Variants in BMP7 observed in about 807,000 individuals in gnomAD.
BMP7 encodes osteogenic protein 1.
A neutral mutation model predicts 41.2 loss-of-function variants in BMP7; 12 were observed. The ratio of observed to expected loss-of-function variants is 0.29; its 90% CI spans 0.19 to 0.47. BMP7 has a LOEUF of 0.47. Among genes scored for constraint, BMP7 ranks in the 20% least tolerant of loss-of-function variants. The pLI, the probability that BMP7 is intolerant of heterozygous loss-of-function variation, is 0.99. For missense variants in BMP7, 467 were observed against 606.0 expected (o/e 0.77, Z 2.41); for synonymous variants, 248 against 250.0 (o/e 0.99, Z 0.07).
intron 1 of BMP7, among the ~76,000 whole-genome samples, chr20:57,236,759 T>G (rs2066049228): frequency 8.4e-6 from 1 of 119,190 alleles, no homozygotes; most frequent in African/African-American, 2.9e-5. Flanking sequence ...GGGACAGCCA[T>G]GCATAAAAAA....
At chr20:57,203,502 T>G (rs1984669174) in intron 2 of BMP7, among the ~76,000 whole-genome samples, 1 of 151,398 alleles carries the variant, frequency 6.6e-6, no homozygotes, top group African/African-American at 2.4e-5. Flanking sequence ...GATGGATGGA[T>G]GAGTAGATGG....
Position 57,214,682 on chromosome 20 carries a change from T to A in BMP7, c.612-12059A>T, listed in dbSNP as rs983680397. On this transcript the variant is annotated intron_variant, in intron 2 of 6. Transcript: ENST00000395863. The surrounding 1 kb of genome is among the most constrained non-coding windows in gnomAD (Gnocchi z 4.0). ...TTGAGCATCCCAGGGAAGCGTCCAC[T>A]GATGCCCTAATGGTGCATCCACGTC... Among the ~76,000 whole-genome samples the A allele has an allele frequency of 6.6e-6, 1 of 152,232 alleles. No individual in the cohort carries two copies.
At chr20:57,180,203 A>G (rs959867942) in intron 4 of BMP7, among the ~76,000 whole-genome samples, 1 of 152,032 alleles carries the variant, frequency 6.6e-6, no homozygotes, top group African/African-American at 2.4e-5. Context: ...CACAGCTTGA[A>G]TCTCTGCAAA....
rs956063087 is a variant in BMP7, at chr20:57,174,132, G to A, written c.1035+799C>T. On this transcript the variant is annotated intron_variant, in intron 5 of 6. Coordinates refer to ENST00000395863, the MANE Select transcript of BMP7 (RefSeq NM_001719.3). This position sits in a 1 kb window ranked among gnomAD's most constrained non-coding sequence, Gnocchi z 4.3. The stretch of plus-strand genomic sequence containing the variant: ...GCACGTACGCCCTGAGTGTGTCTGG[G>A]CATAATCCCCAGGGAAGATTCTGGA... Among the ~76,000 whole-genome samples, 9 of 152,108 alleles carry A rather than the reference G, an allele frequency of 5.9e-5. No individual in the cohort carries two copies. Among genetic ancestry groups the A allele is most frequent in the African/African-American group, 2.2e-4 (9 of 41,416 alleles).
At chr20:57,173,638 T>C in intron 5 of BMP7, 1 of 377,286 alleles carries the variant, frequency 2.7e-6, no homozygotes, top group Non-Finnish European at 4.8e-6. Context: ...ACCCCATTTC[T>C]AAAAAAACAT....
Position 57,171,151 on chromosome 20 carries a change from A to G in BMP7, c.1147-43T>C. 1 of 1,613,572 alleles carries G rather than the reference A, an allele frequency of 6.2e-7. No individual in the cohort carries two copies. The highest frequency in any genetic ancestry group is 1.3e-5 in the African/African-American group (1 of 75,036). ...ACATGGGCAGTGGTGAGAAGCGGTG[A>G]GTCGTTCTAACTGGCCTCCACGTTT... On this transcript the variant is annotated intron_variant, in intron 6 of 6. Coordinates refer to ENST00000395863, the MANE Select transcript of BMP7 (RefSeq NM_001719.3). The surrounding 1 kb of genome is among the most constrained non-coding windows in gnomAD (Gnocchi z 4.5).
In BMP7 at chr20:57,208,761, G is replaced by A. The variant is rs549119080; in HGVS notation, c.612-6138C>T. ...ATATTATTTGGCATTAAAAAATGAA[G>A]TTCTGATAAAGGCTACAACACAGAT... On this transcript the variant is annotated intron_variant, in intron 2 of 6. Coordinates refer to ENST00000395863, the MANE Select transcript of BMP7 (RefSeq NM_001719.3). Among the ~76,000 whole-genome samples the A allele has an allele frequency of 2.0e-5, 3 of 152,290 alleles. No homozygotes were observed. The South Asian group carries it at 6.2e-4, about 32-fold the overall frequency.
chr20:57,228,187 A>C lies in BMP7; in HGVS notation c.611+42T>G. On this transcript the variant is annotated intron_variant, in intron 2 of 6. Coordinates refer to ENST00000395863, the MANE Select transcript of BMP7 (RefSeq NM_001719.3). The surrounding 1 kb of genome is among the most constrained non-coding windows in gnomAD (Gnocchi z 4.5). The stretch of plus-strand genomic sequence containing the variant: ...CACCACCTTCTTCCTCTGCCCCCAG[A>C]GGAAACTCAGCACCTCTCCCAGATA... 1 of 1,602,614 alleles carries C rather than the reference A, an allele frequency of 6.2e-7. No individual in the cohort carries two copies. The highest frequency in any genetic ancestry group is 8.5e-7 in the Non-Finnish European group (1 of 1,171,346).
chr20:57,235,765 T>A (rs529112947), intron 1 of BMP7, among the ~76,000 whole-genome samples: 110 of 152,296 alleles, frequency 7.2e-4, no homozygotes, highest in Non-Finnish European at 1.2e-3. Context: ...AAATTCCTCA[T>A]TGGGAAAATG....
intron 1 of BMP7, among the ~76,000 whole-genome samples, chr20:57,256,551 T>G (rs1369775288): frequency 2.0e-5 from 3 of 152,140 alleles, no homozygotes; most frequent in African/African-American, 7.2e-5. Flanking sequence ...GAAGAGTAAA[T>G]TTTGGGGTAC....
intron 1 of BMP7, among the ~76,000 whole-genome samples, chr20:57,230,746 G>A (rs368278680): frequency 1.6e-3 from 238 of 150,302 alleles, no homozygotes; most frequent in African/African-American, 5.6e-3. Flanking sequence ...GCGCGATCTC[G>A]GCTTACTACA....
At chr20:57,221,477 A>T (rs567441517) in intron 2 of BMP7, among the ~76,000 whole-genome samples, 1 of 152,314 alleles carries the variant, frequency 6.6e-6, no homozygotes, top group East Asian at 1.9e-4. Flanking sequence ...TCTCATCCTT[A>T]ATCCCCAACC....
In BMP7 at chr20:57,248,940, AG is replaced by A. The variant is rs1206685652; in HGVS notation, c.418+16764del. 3.3e-5 allele frequency among the ~76,000 whole-genome samples: 5 copies of A among 151,948 alleles called. No homozygotes were observed. The East Asian group carries it at 9.7e-4, about 29-fold the overall frequency. On this transcript the variant is annotated intron_variant, in intron 1 of 6. Coordinates refer to ENST00000395863, the MANE Select transcript of BMP7 (RefSeq NM_001719.3). The stretch of plus-strand genomic sequence containing the variant: ...CAGCCTCCTGAGTAGCTGGGACTAC[AG>A]GTGCCCACCACCACGCCCAGCTAAT...
chr20:57,212,464 G>T (rs547916715), intron 2 of BMP7, among the ~76,000 whole-genome samples: 3 of 152,172 alleles, frequency 2.0e-5, no homozygotes, highest in Non-Finnish European at 4.4e-5. Flanking sequence ...AGACCCAGCT[G>T]ACTCGCTCCC....
chr20:57,255,657 G>A (rs903686442), intron 1 of BMP7, among the ~76,000 whole-genome samples: 4 of 151,780 alleles, frequency 2.6e-5, no homozygotes, highest in East Asian at 1.9e-4. Flanking sequence ...AAAATTAGCC[G>A]GGCGTGGTTG....
At chr20:57,229,202 C>T (rs1415835767) in intron 1 of BMP7, among the ~76,000 whole-genome samples, 1 of 152,186 alleles carries the variant, frequency 6.6e-6, no homozygotes, top group Non-Finnish European at 1.5e-5. Context: ...ACAGTAGGCT[C>T]CAGCACACAG....
intron 3 of BMP7, among the ~76,000 whole-genome samples, chr20:57,190,312 G>A (rs1187980072): frequency 6.6e-6 from 1 of 150,646 alleles, no homozygotes; most frequent in Non-Finnish European, 1.5e-5. Context: ...CAGAGTGAGT[G>A]AGGAGCTTGA....
At chr20:57,246,875 G>C (rs1420385397) in intron 1 of BMP7, among the ~76,000 whole-genome samples, 1 of 151,752 alleles carries the variant, frequency 6.6e-6, no homozygotes, top group Non-Finnish European at 1.5e-5. Flanking sequence ...TGTACTCCCA[G>C]CTACTCAGGA....
chr20:57,239,754 G>C lies in BMP7; in HGVS notation c.419-11333C>G, dbSNP rs151005723. On this transcript the variant is annotated intron_variant, in intron 1 of 6. Coordinates refer to ENST00000395863, the MANE Select transcript of BMP7 (RefSeq NM_001719.3). Reference sequence around the variant, plus strand: ...AATTCTTGACTTCTGTGCACCCACAGGCTCAACACCACATGGAAGCTGCCA... The same window carrying C: ...AATTCTTGACTTCTGTGCACCCACACGCTCAACACCACATGGAAGCTGCCA... Among the ~76,000 whole-genome samples, 522 of 152,310 alleles carry C rather than the reference G, an allele frequency of 3.4e-3. 4 individuals carry two copies. Among genetic ancestry groups the C allele is most frequent in the African/African-American group, 0.012 (489 of 41,558 alleles).
Sources: allele counts gnomAD v4.1 joint callset (sites outside exome capture counted in the v4.1 genomes callset), GRCh38; gene constraint gnomAD v4.1.1; non-coding constraint Gnocchi (gnomAD v3.1); transcripts MANE v1.5; gene names NCBI Gene and HGNC (gene_info 2026-07-23, HGNC 2026-07-21).